The following PIGN variants were observed in gnomAD, a reference collection of about 807,000 sequenced individuals.
The protein encoded by PIGN is phosphatidylinositol glycan anchor biosynthesis class N, also known as GPI ethanolamine phosphate transferase 1.
Under a neutral mutation model 125.4 loss-of-function variants are expected in PIGN, and 117 were observed. The ratio of observed to expected loss-of-function variants is 0.93; its 90% CI spans 0.80 to 1.09. PIGN has a LOEUF of 1.09. Ranked by LOEUF, PIGN falls within the 50% of genes least tolerant of loss-of-function variation. The pLI is 0.00. For missense variants in PIGN, 1,075 were observed against 1,094.9 expected, an observed-to-expected ratio of 0.98 and a Z score of 0.26; for synonymous variants, 392 against 377.8, an observed-to-expected ratio of 1.04 and a Z score of -0.44.
In PIGN at chr18:62,044,055, AG is replaced by A. The variant is rs1312918545; in HGVS notation, c.*1800del. 1 of 152,230 alleles carries A rather than the reference AG, an allele frequency of 6.6e-6. No individual in the cohort carries two copies. Among genetic ancestry groups the A allele is most frequent in the Non-Finnish European group, 1.5e-5 (1 of 68,040 alleles). The allele number at this position is 152,230 out of a possible 1,614,324, so 9.4% of individuals were successfully genotyped here. On this transcript the variant is annotated 3_prime_UTR_variant, in exon 31 of 31. Transcript: ENST00000640252. ...TGAAGGGGCCAGTTACGGTGCAGCA[AG>A]GCGAGCCTGTGGCTGCAGGCACACA... is the stretch of plus-strand genomic sequence containing the variant.
chr18:62,166,194 A>G (rs1453345752), intron 1 of PIGN, among the ~76,000 whole-genome samples: 2 of 152,182 alleles, frequency 1.3e-5, no homozygotes, highest in Non-Finnish European at 2.9e-5. Flanking sequence ...TGCTTTTAGC[A>G]CTGAAAGTCT....
intron 30 of PIGN, among the ~76,000 whole-genome samples, chr18:62,065,730 C>T (rs942258084): frequency 1.3e-4 from 19 of 151,302 alleles, no homozygotes; most frequent in East Asian, 5.8e-4. Flanking sequence ...AGCGAGACTC[C>T]GTCTCCAAAA....
chr18:62,168,082 G>A (rs1480508501), intron 1 of PIGN, among the ~76,000 whole-genome samples: 1 of 137,456 alleles, frequency 7.3e-6, no homozygotes, highest in South Asian at 2.4e-4. Context: ...CACTTGGGAC[G>A]CTGAGGCAGG....
intron 14 of PIGN, among the ~76,000 whole-genome samples, chr18:62,115,090 G>C (rs766032915): frequency 6.6e-6 from 1 of 152,150 alleles, no homozygotes; most frequent in Non-Finnish European, 1.5e-5. Context: ...TATTATCAAA[G>C]AGCTCCAGGC....
At chr18:62,171,178 T>C (rs1197617929) in intron 1 of PIGN, among the ~76,000 whole-genome samples, 1 of 152,238 alleles carries the variant, frequency 6.6e-6, no homozygotes, top group Non-Finnish European at 1.5e-5. Context: ...CCCTCAGCAA[T>C]GTTCTGTAGT....
Position 62,157,093 on chromosome 18 carries a change from T to C in PIGN, c.442+36A>G. 1 of 1,057,216 alleles carries C rather than the reference T, an allele frequency of 9.5e-7. No homozygotes were observed. Among genetic ancestry groups the C allele is most frequent in the Non-Finnish European group, 1.4e-6 (1 of 710,852 alleles). 65.5% of individuals were successfully genotyped at this position (1,057,216 alleles called of 1,614,324 possible). On this transcript the variant is annotated intron_variant, in intron 6 of 30. Coordinates refer to ENST00000640252, the MANE Select transcript of PIGN (RefSeq NM_176787.5). ...AACTACCATATTGACTTACTCCCTA[T>C]TTACTATCTGAGGAAACATAATCAG...
chr18:62,142,171 G>A (rs1297652836), intron 11 of PIGN, among the ~76,000 whole-genome samples: 1 of 152,200 alleles, frequency 6.6e-6, no homozygotes, highest in East Asian at 1.9e-4. Flanking sequence ...TCCCAGGACA[G>A]GGATTATGTC....
At position 62,084,512 on chromosome 18, in the gene PIGN, A is replaced by C. The variant is rs2033596043; in HGVS notation, c.2502+19T>G. 7 of 1,452,940 alleles carry C rather than the reference A, an allele frequency of 4.8e-6. No individual in the cohort carries two copies. Among genetic ancestry groups the C allele is most frequent in the Non-Finnish European group, 5.6e-6 (6 of 1,065,466 alleles). 90.0% of individuals were successfully genotyped at this position (1,452,940 alleles called of 1,614,324 possible). On this transcript the variant is annotated intron_variant, in intron 27 of 30. Coordinates refer to ENST00000640252, the MANE Select transcript of PIGN (RefSeq NM_176787.5). ...ATCAATCAATAGCTTAAGACAAATAACAAAATAAGAAAACTAACCTTCCAC... is the reference window on the plus strand; with the variant it reads ...ATCAATCAATAGCTTAAGACAAATACCAAAATAAGAAAACTAACCTTCCAC...
chr18:62,135,619 C>CTTTTTTTTTTTTTTTTTTTTTT (rs72454339), intron 14 of PIGN: 2 of 68,678 alleles, frequency 2.9e-5, no homozygotes, highest in Non-Finnish European at 5.1e-5. Flanking sequence ...TTTTCTTTGT[C>CTTTTTTTTTTTTTTTTTTTTTT]TTTTTTTTTT....
chr18:62,151,762 T>C (rs1425555708), intron 7 of PIGN, among the ~76,000 whole-genome samples: 1 of 152,244 alleles, frequency 6.6e-6, no homozygotes, highest in Non-Finnish European at 1.5e-5. Context: ...AGTCGAAGTT[T>C]TTCTTCTGGG....
chr18:62,073,758 T>C (rs1356795594), intron 29 of PIGN, among the ~76,000 whole-genome samples: 1 of 152,172 alleles, frequency 6.6e-6, no homozygotes, highest in East Asian at 1.9e-4. Context: ...TCCTAGTTAC[T>C]TCTGGCATGG....
chr18:62,149,918 T>C (rs988836558), intron 7 of PIGN, among the ~76,000 whole-genome samples: 2 of 152,200 alleles, frequency 1.3e-5, no homozygotes, highest in Admixed American at 6.5e-5. Context: ...TTTTTCCATA[T>C]TACACAGGTA....
chr18:62,092,528 T>G (rs1395343226), intron 23 of PIGN, among the ~76,000 whole-genome samples: 1 of 151,902 alleles, frequency 6.6e-6, no homozygotes, highest in African/African-American at 2.4e-5. Flanking sequence ...AAAATCCATA[T>G]CATGAAATAT....
At chr18:62,174,187 C>T (rs2037439421) in intron 1 of PIGN, 1 of 151,082 alleles carries the variant, frequency 6.6e-6, no homozygotes, top group African/African-American at 2.4e-5. Flanking sequence ...GCACTCCAGC[C>T]TGGGCGACAA....
In PIGN at chr18:62,161,231, A is replaced by T; in HGVS notation, c.123T>A (p.Pro41=). Residue 41 remains proline (P), a synonymous_variant, in exon 4 of 31, where the codon CCT becomes CCA. Coordinates refer to ENST00000640252, the MANE Select transcript of PIGN (RefSeq NM_176787.5). ...GMTPQFTPLP[P]PARRLVLFVA... ...CAAACAACACTAATCTTCTCGCTGG[A>T]GGAGGCAATGGTGTAAACTGAGGAG... 3.1e-6 allele frequency: 5 copies of T among 1,613,814 alleles called. No homozygotes were observed. The highest frequency in any genetic ancestry group is 4.2e-6 in the Non-Finnish European group (5 of 1,179,752).
intron 23 of PIGN, among the ~76,000 whole-genome samples, chr18:62,024,196 G>A (rs1032071110): frequency 3.9e-5 from 6 of 152,124 alleles, no homozygotes; most frequent in African/African-American, 9.7e-5. Flanking sequence ...GAAACCCTAC[G>A]AACAAGTAAA....
At position 62,113,314 on chromosome 18, in the gene PIGN, G is replaced by A; in HGVS notation, c.1254C>T (p.Val418=). The A allele has an allele frequency of 6.3e-7, 1 of 1,585,874 alleles. No individual in the cohort carries two copies. Among genetic ancestry groups the A allele is most frequent in the Non-Finnish European group, 8.5e-7 (1 of 1,169,892 alleles). The part of the protein sequence containing the change: ...YIKHRKFDEV[V]SLCKELIHLA... ...GATGAATTAGCTCCTTGCAAAGGGA[G>A]ACCTATGGAGAAAAAACATATATAA... is the stretch of plus-strand genomic sequence containing the variant. The change falls in exon 16 of 31, where the codon GTC becomes GTT. Residue 418 remains valine (V), a splice_region_variant and synonymous_variant. Transcript: ENST00000640252.
chr18:62,169,453 C>A lies in PIGN; in HGVS notation c.-235-5797G>T, dbSNP rs2037271055. ...TATGTATGGGCGTGTGCTTTCATTTCTTCTTCTTATTTTTTTATTATTTTT... is the reference window on the plus strand; with the variant it reads ...TATGTATGGGCGTGTGCTTTCATTTATTCTTCTTATTTTTTTATTATTTTT... On this transcript the variant is annotated intron_variant, in intron 1 of 30. Transcript: ENST00000640252. Among the ~76,000 whole-genome samples the A allele has an allele frequency of 2.1e-5, 3 of 141,216 alleles. No homozygotes were observed. In the South Asian group the frequency reaches 7.2e-4, roughly 34 times the overall value. 92.6% of individuals were successfully genotyped at this position (141,216 alleles called of 152,430 possible).
In PIGN at chr18:62,064,675, C is replaced by A. The variant is rs929806188; in HGVS notation, c.2672+7998G>T. On this transcript the variant is annotated intron_variant, in intron 30 of 30. Coordinates refer to ENST00000640252, the MANE Select transcript of PIGN (RefSeq NM_176787.5). ...TAACATAAGTACAATTCCTAATACA[C>A]TGCATACAATAAATGATATTCTACT... is the stretch of plus-strand genomic sequence containing the variant. Among the ~76,000 whole-genome samples, 8 of 152,308 alleles carry A rather than the reference C, an allele frequency of 5.3e-5. No individual in the cohort carries two copies. The East Asian group carries it at 1.5e-3, about 29-fold the overall frequency.
Sources: gnomAD v4.1 joint callset for allele counts (sites outside exome capture counted in the v4.1 genomes callset) on GRCh38, gnomAD v4.1.1 for gene constraint, MANE v1.5 for transcripts, NCBI Gene and HGNC (gene_info 2026-07-23, HGNC 2026-07-21) for gene names.